FAM81B: variants seen among roughly 807,000 people sequenced by gnomAD.
FAM81B encodes protein FAM81B.
FAM81B carries 60 observed loss-of-function variants against 58.7 expected under a neutral mutation model. The ratio of observed to expected loss-of-function variants is 1.02; its 90% CI spans 0.83 to 1.27. FAM81B has a LOEUF of 1.27. Among genes scored for constraint, FAM81B ranks in the 50% most tolerant of loss-of-function variants. The probability of loss-of-function intolerance (pLI) is 0.00; values close to 1 mark genes in which losing one functional copy is unlikely to be tolerated. For missense variants in FAM81B, 491 were observed against 522.0 expected, an observed-to-expected ratio of 0.94 and a Z score of 0.58; for synonymous variants, 189 against 179.6, an observed-to-expected ratio of 1.05 and a Z score of -0.42.
intron 6 of FAM81B, among the ~76,000 whole-genome samples, chr5:95,433,490 C>A (rs1422356360): frequency 6.6e-6 from 1 of 152,062 alleles, no homozygotes; most frequent in Non-Finnish European, 1.5e-5. Flanking sequence ...GGGGACACAG[C>A]CAAACCATAT....
At chr5:95,420,140 T>TTC (rs1762639111) in intron 4 of FAM81B, 144 bp from the exon 5 acceptor site, 1 of 938,940 alleles carries the variant, frequency 1.1e-6, no homozygotes, top group African/African-American at 1.7e-5. Flanking sequence ...CAGAGATCAC[T>TTC]TCTCTCTGAG....
At chr5:95,393,058 A>C (rs1415666449) in intron 2 of FAM81B, among the ~76,000 whole-genome samples, 161 bp downstream of exon 2, 2 of 152,204 alleles carry the variant, frequency 1.3e-5, no homozygotes, top group Non-Finnish European at 2.9e-5. Flanking sequence ...ACAAGCTGAA[A>C]AGAAAAATGA....
intron 3 of FAM81B, among the ~76,000 whole-genome samples, chr5:95,412,665 TC>T (rs1762435317): frequency 6.6e-6 from 1 of 152,226 alleles, no homozygotes; most frequent in Non-Finnish European, 1.5e-5. Flanking sequence ...TAATTCCAAA[TC>T]TGTCATGGTT....
At chr5:95,423,135 T>A (rs1014550433) in intron 5 of FAM81B, among the ~76,000 whole-genome samples, 2 of 146,068 alleles carry the variant, frequency 1.4e-5, no homozygotes, top group African/African-American at 5.1e-5. Flanking sequence ...ATGAGCATTT[T>A]GGCATAAGTA....
chr5:95,450,362 C>T lies in FAM81B; in HGVS notation c.*80C>T. ...GTTCTGAAGAAGAAAGTTACTATCT[C>T]TGGGATGTTTACTGCTTCTAATGTC... On this transcript the variant is annotated 3_prime_UTR_variant, in exon 10 of 10. Transcript: ENST00000283357. The T allele has an allele frequency of 6.3e-7, 1 of 1,581,872 alleles. No homozygotes were observed. Among genetic ancestry groups the T allele is most frequent in the Non-Finnish European group, 8.5e-7 (1 of 1,169,784 alleles).
At chr5:95,440,669 A>C (rs1169095701) in intron 7 of FAM81B, 1 of 855,932 alleles carries the variant, frequency 1.2e-6, no homozygotes, top group East Asian at 4.2e-5. Context: ...CAGACCACAG[A>C]CTGGGAAAAG....
chr5:95,405,557 G>A (rs1186024999), intron 3 of FAM81B, among the ~76,000 whole-genome samples: 1 of 151,818 alleles, frequency 6.6e-6, no homozygotes, highest in Non-Finnish European at 1.5e-5. Context: ...GAAATTTATT[G>A]TGTACATTTT....
In FAM81B at chr5:95,398,418, CTAAA is replaced by C. The variant is rs5869676; in HGVS notation, c.293+2276_293+2279del. Reference sequence around the variant, plus strand: ...TGGGTCACAGAGTGAAACTCAATCTCTAAATAAATAAATAAATAAATAAATAAAT... The same window carrying C: ...TGGGTCACAGAGTGAAACTCAATCTCTAAATAAATAAATAAATAAATAAAT... On this transcript the variant is annotated intron_variant, in intron 3 of 9. Coordinates refer to ENST00000283357, the MANE Select transcript of FAM81B (RefSeq NM_152548.3). Among the ~76,000 whole-genome samples, 156 of 142,420 alleles carry C rather than the reference CTAAA, an allele frequency of 1.1e-3. 1 individual carries two copies. The highest frequency in any genetic ancestry group is 3.2e-3 in the South Asian group (14 of 4,362). 93.4% of individuals were successfully genotyped at this position (142,420 alleles called of 152,430 possible). A position where few individuals can be genotyped will look rare whatever the true frequency, so the allele number is the denominator to read the frequency against.
chr5:95,446,528 T>A, intron 7 of FAM81B, 34 bp from the exon 8 acceptor site: 1 of 1,510,854 alleles, frequency 6.6e-7, no homozygotes, highest in Non-Finnish European at 8.9e-7. Context: ...TTAAATTAAC[T>A]TATTTAAATG....
chr5:95,440,430 C>A, intron 7 of FAM81B: 1 of 652,158 alleles, frequency 1.5e-6, no homozygotes, highest in Non-Finnish European at 2.9e-6. Flanking sequence ...TAAGGCAATT[C>A]GAATTTTGGT....
intron 7 of FAM81B, among the ~76,000 whole-genome samples, chr5:95,438,392 T>C (rs1170122223): frequency 6.6e-6 from 1 of 152,128 alleles, no homozygotes; most frequent in Non-Finnish European, 1.5e-5. Context: ...ATGGGATTTA[T>C]AAACTGAAAT....
At chr5:95,443,049 A>T (rs1745425243) in intron 7 of FAM81B, among the ~76,000 whole-genome samples, 1 of 152,354 alleles carries the variant, frequency 6.6e-6, no homozygotes, top group Non-Finnish European at 1.5e-5. Flanking sequence ...AAGAATTCAA[A>T]ATCTTGGAAA....
intron 3 of FAM81B, among the ~76,000 whole-genome samples, chr5:95,412,036 A>T (rs1270123803): frequency 6.6e-6 from 1 of 152,186 alleles, no homozygotes; most frequent in Non-Finnish European, 1.5e-5. Context: ...AACGTTTGAA[A>T]AAGTATATTA....
chr5:95,416,899 C>T (rs1196166165), intron 4 of FAM81B, among the ~76,000 whole-genome samples: 1 of 151,902 alleles, frequency 6.6e-6, no homozygotes, highest in Admixed American at 6.6e-5. Flanking sequence ...AAATAATTAG[C>T]TGGGTAGGGT....
At chr5:95,447,674 C>A (rs1477240395) in intron 8 of FAM81B, among the ~76,000 whole-genome samples, 4 of 152,224 alleles carry the variant, frequency 2.6e-5, no homozygotes, top group Non-Finnish European at 4.4e-5. Flanking sequence ...AAGGGTCATA[C>A]CTGCCATGCC....
intron 3 of FAM81B, among the ~76,000 whole-genome samples, chr5:95,411,149 A>G (rs532164748): frequency 6.6e-6 from 1 of 152,322 alleles, no homozygotes; most frequent in South Asian, 2.1e-4. Flanking sequence ...GGGCTTTGGA[A>G]ATAACCTGTA....
chr5:95,428,048 G>A (rs1762894831), intron 5 of FAM81B, among the ~76,000 whole-genome samples: 1 of 152,228 alleles, frequency 6.6e-6, no homozygotes, highest in Non-Finnish European at 1.5e-5. Flanking sequence ...GTGCCTGACT[G>A]AGACCATTCA....
At chr5:95,415,158 G>C (rs1429409068) in intron 4 of FAM81B, among the ~76,000 whole-genome samples, 1 of 152,210 alleles carries the variant, frequency 6.6e-6, no homozygotes, top group East Asian at 1.9e-4. Flanking sequence ...GTCTTCGAGA[G>C]TTGCTAGGGT....
At chr5:95,427,180 G>T (rs1284766165) in intron 5 of FAM81B, among the ~76,000 whole-genome samples, 1 of 152,154 alleles carries the variant, frequency 6.6e-6, no homozygotes, top group Non-Finnish European at 1.5e-5. Flanking sequence ...CTGAGGGTGG[G>T]AAACAAAAGA....
Sources: gnomAD v4.1 joint callset for allele counts (sites outside exome capture counted in the v4.1 genomes callset) on GRCh38, gnomAD v4.1.1 for gene constraint, MANE v1.5 for transcripts, NCBI Gene and HGNC (gene_info 2026-07-23, HGNC 2026-07-21) for gene names.